Variants in UBE2D2 observed in about 807,000 individuals in gnomAD.
The protein encoded by UBE2D2 is ubiquitin-conjugating enzyme E2 D2.
Under a neutral mutation model 24.2 loss-of-function variants are expected in UBE2D2, and 2 were observed. That is an observed-to-expected ratio of 0.08 (90% confidence interval 0.03 to 0.26). UBE2D2 has a LOEUF of 0.26. UBE2D2 is among the 10% of genes least tolerant of loss of function. The probability of loss-of-function intolerance (pLI) is 1.00; values close to 1 mark genes in which losing one functional copy is unlikely to be tolerated. For synonymous variants in UBE2D2, 58 were observed against 56.5 expected (o/e 1.03, Z -0.12); for missense variants, 44 against 177.6 (o/e 0.25, Z 4.28).
At chr5:139,597,796 C>T (rs1753989055) in intron 1 of UBE2D2, among the ~76,000 whole-genome samples, 1 of 152,108 alleles carries the variant, frequency 6.6e-6, no homozygotes, top group Admixed American at 6.5e-5. Flanking sequence ...TACTTTTTTT[C>T]TTGAGATGGG....
rs530398760 is a variant in UBE2D2 at position 139,606,226 on chromosome 5, A to G, written c.88+5791A>G. 3.3e-5 allele frequency among the ~76,000 whole-genome samples: 5 copies of G among 152,144 alleles called. No homozygotes were observed. In the South Asian group the frequency reaches 8.3e-4, roughly 25 times the overall value. Reference sequence around the variant, plus strand: ...GCCCGGGCTGGAGTGCAGTGGCGCAATCTCGGCTCACTGAAACCTCTGCGT... The same window carrying G: ...GCCCGGGCTGGAGTGCAGTGGCGCAGTCTCGGCTCACTGAAACCTCTGCGT... On this transcript the variant is annotated intron_variant, in intron 2 of 6. Coordinates refer to ENST00000398733, the MANE Select transcript of UBE2D2 (RefSeq NM_003339.3).
chr5:139,605,942 C>T (rs949539914), intron 2 of UBE2D2, among the ~76,000 whole-genome samples: 2 of 151,926 alleles, frequency 1.3e-5, no homozygotes, highest in Non-Finnish European at 2.9e-5. Flanking sequence ...AGGGTCTCAC[C>T]ATGTTTCCTA....
intron 1 of UBE2D2, among the ~76,000 whole-genome samples, chr5:139,551,594 TAATG>T (rs1485082197): frequency 2.6e-5 from 4 of 152,224 alleles, no homozygotes; most frequent in South Asian, 2.1e-4. Flanking sequence ...AGCCAGTCGT[TAATG>T]AATTCATTCA....
chr5:139,595,859 A>C (rs191932225), intron 1 of UBE2D2, among the ~76,000 whole-genome samples: 1 of 142,218 alleles, frequency 7.0e-6, no homozygotes, highest in East Asian at 2.1e-4. Context: ...TTTATTAACT[A>C]GTTTCTTGTG....
upstream of UBE2D2, among the ~76,000 whole-genome samples, chr5:139,556,462 A>G (rs957377614): frequency 3.3e-5 from 5 of 152,098 alleles, no homozygotes; most frequent in Non-Finnish European, 7.4e-5. Context: ...AAAAATAACA[A>G]ATTAAAGTAG....
At chr5:139,622,857 T>G (rs1030893389) in intron 5 of UBE2D2, among the ~76,000 whole-genome samples, 1 of 151,762 alleles carries the variant, frequency 6.6e-6, no homozygotes, top group Admixed American at 6.6e-5. Flanking sequence ...GCCGCGCCAC[T>G]GCACTCCAGT....
chr5:139,545,047 G>A (rs1419703833), intron 1 of UBE2D2, among the ~76,000 whole-genome samples: 2 of 152,080 alleles, frequency 1.3e-5, no homozygotes, highest in Admixed American at 1.3e-4. Context: ...CCAAAGTGCT[G>A]GGATTTCAGG....
intron 2 of UBE2D2, among the ~76,000 whole-genome samples, chr5:139,603,147 G>C (rs143519158): frequency 2.0e-4 from 30 of 152,228 alleles, no homozygotes; most frequent in Non-Finnish European, 4.4e-4. Context: ...CTATTCAGTT[G>C]GAAAAGTGCT....
chr5:139,597,775 C>T (rs1753988615), intron 1 of UBE2D2, among the ~76,000 whole-genome samples: 2 of 152,320 alleles, frequency 1.3e-5, no homozygotes, highest in South Asian at 2.1e-4. Context: ...GGGAACTATA[C>T]AGTAGGCTAT....
chr5:139,590,500 G>A (rs1753821446), intron 1 of UBE2D2, among the ~76,000 whole-genome samples: 1 of 151,182 alleles, frequency 6.6e-6, no homozygotes, highest in Non-Finnish European at 1.5e-5. Context: ...GTATCTTTGT[G>A]GAAAAATATC....
intron 5 of UBE2D2, among the ~76,000 whole-genome samples, chr5:139,617,906 G>C (rs1473444258): frequency 6.6e-6 from 1 of 152,096 alleles, no homozygotes; most frequent in African/African-American, 2.4e-5. Context: ...GTTGTCAAAA[G>C]TGTTGGGTAT....
intron 5 of UBE2D2, 34 bp from the exon 6 acceptor site, chr5:139,623,334 C>T (rs1754551730): frequency 6.6e-7 from 1 of 1,505,092 alleles, no homozygotes; most frequent in Non-Finnish European, 9.1e-7. Flanking sequence ...TTGCTTTGAT[C>T]CTCTGCTAAT....
At chr5:139,585,429 T>C (rs1426713822) in intron 1 of UBE2D2, among the ~76,000 whole-genome samples, 1 of 152,012 alleles carries the variant, frequency 6.6e-6, no homozygotes, top group Non-Finnish European at 1.5e-5. Flanking sequence ...GGTCTCACTT[T>C]GTTGACCAAA....
chr5:139,549,495 G>A (rs751298655), intron 1 of UBE2D2, among the ~76,000 whole-genome samples: 8 of 152,246 alleles, frequency 5.3e-5, no homozygotes, highest in Non-Finnish European at 8.8e-5. Context: ...CTGGCCAGCC[G>A]CTGTGGAGGG....
chr5:139,596,963 C>T (rs564719139), intron 1 of UBE2D2, among the ~76,000 whole-genome samples: 4 of 151,818 alleles, frequency 2.6e-5, no homozygotes, highest in South Asian at 2.1e-4. Flanking sequence ...AGGAGAATGG[C>T]GTGAACCCGG....
chr5:139,601,227 C>T (rs551716182), intron 2 of UBE2D2, among the ~76,000 whole-genome samples: 1 of 152,174 alleles, frequency 6.6e-6, no homozygotes, highest in South Asian at 2.1e-4. Flanking sequence ...TAATTTTTTC[C>T]CATATAGTGT....
chr5:139,582,044 G>A (rs1204435598), intron 1 of UBE2D2, among the ~76,000 whole-genome samples: 1 of 151,710 alleles, frequency 6.6e-6, no homozygotes, highest in South Asian at 2.1e-4. Context: ...GGAGTGCGAT[G>A]CAATAGTGTG....
At chr5:139,536,039 C>A (rs1752678146) in intron 1 of UBE2D2, among the ~76,000 whole-genome samples, 1 of 151,222 alleles carries the variant, frequency 6.6e-6, no homozygotes, top group Non-Finnish European at 1.5e-5. Context: ...ATTACAGGCA[C>A]CCACCACCAC....
chr5:139,614,116 T>C (rs1343653885), intron 2 of UBE2D2, among the ~76,000 whole-genome samples: 1 of 152,130 alleles, frequency 6.6e-6, no homozygotes, highest in Non-Finnish European at 1.5e-5. Flanking sequence ...AGAAATGATT[T>C]ACCCTGTGAG....
Sources: gnomAD v4.1 joint callset for allele counts (sites outside exome capture counted in the v4.1 genomes callset) on GRCh38, gnomAD v4.1.1 for gene constraint, MANE v1.5 for transcripts, NCBI Gene and HGNC (gene_info 2026-07-23, HGNC 2026-07-21) for gene names.